Variants in MAML2 observed in about 807,000 individuals in gnomAD.
The protein encoded by MAML2 is mastermind-like protein 2.
A neutral mutation model predicts 96.1 loss-of-function variants in MAML2; 22 were observed. That is an observed-to-expected ratio of 0.23 (90% CI 0.16 to 0.33). The LOEUF is 0.33. Ranked by LOEUF, MAML2 falls within the 10% of genes least tolerant of loss-of-function variation. The pLI, the probability that MAML2 is intolerant of heterozygous loss-of-function variation, is 1.00. For synonymous variants in MAML2, 561 were observed against 521.3 expected, an observed-to-expected ratio of 1.08 and a Z score of -1.04; for missense variants, 1,367 against 1,392.4, an observed-to-expected ratio of 0.98 and a Z score of 0.29.
At chr11:96,325,800 A>G (rs942231204) in intron 1 of MAML2, among the ~76,000 whole-genome samples, 15 of 152,306 alleles carry the variant, frequency 9.8e-5, no homozygotes, top group African/African-American at 3.6e-4. Context: ...AAATGTCGGA[A>G]TCAACATTTC....
chr11:96,302,543 G>A (rs1182417503), intron 1 of MAML2, among the ~76,000 whole-genome samples: 1 of 152,214 alleles, frequency 6.6e-6, no homozygotes, highest in Non-Finnish European at 1.5e-5. Flanking sequence ...AGGTTGGGGA[G>A]AATGGCACTT....
intron 4 of MAML2, among the ~76,000 whole-genome samples, chr11:95,980,879 C>A (rs1033730097): frequency 4.6e-5 from 7 of 152,212 alleles, no homozygotes; most frequent in Admixed American, 3.3e-4. Flanking sequence ...GGGTCTCCCC[C>A]ACGCCTTCAA....
At chr11:96,240,076 C>T (rs1730265799) in intron 1 of MAML2, among the ~76,000 whole-genome samples, 1 of 152,134 alleles carries the variant, frequency 6.6e-6, no homozygotes, top group Admixed American at 6.5e-5. Context: ...TATTACAGCA[C>T]TTCAATTTAG....
intron 1 of MAML2, among the ~76,000 whole-genome samples, chr11:96,210,642 G>A (rs1245441680): frequency 1.3e-5 from 2 of 152,122 alleles, no homozygotes; most frequent in African/African-American, 4.8e-5. Context: ...AGTAACAAGA[G>A]GAACTGTGTC....
chr11:96,273,166 T>C (rs767675704), intron 1 of MAML2, among the ~76,000 whole-genome samples: 6 of 152,310 alleles, frequency 3.9e-5, no homozygotes, highest in South Asian at 4.1e-4. Context: ...TCAAGTTGCA[T>C]TGAAAGTAAG....
At chr11:96,000,326 C>A (rs1565185666) in intron 2 of MAML2, among the ~76,000 whole-genome samples, 1 of 152,142 alleles carries the variant, frequency 6.6e-6, no homozygotes, top group Non-Finnish European at 1.5e-5. Flanking sequence ...AGCCTGCCAC[C>A]GTTTTTGGTA....
In MAML2 at chr11:96,341,570, G is replaced by T; in HGVS notation, c.326C>A (p.Pro109His). The T allele has an allele frequency of 5.2e-6, 8 of 1,551,314 alleles. No individual in the cohort carries two copies. Among genetic ancestry groups the T allele is most frequent in the Non-Finnish European group, 7.0e-6 (8 of 1,146,982 alleles). The change falls in exon 1 of 5, where the codon CCT becomes CAT. Residue 109 changes from proline to histidine, a missense_variant. Pro to His is a moderately conservative substitution (Grantham distance 77, BLOSUM62 -2). Coordinates refer to ENST00000524717, the MANE Select transcript of MAML2 (RefSeq NM_032427.4). ...TTGGGAGGCCGCAGGAGGGGCAGCA[G>T]GGGGCGGTGGAGGGGCTGTAGTGGT... Reference protein sequence around the residue: ...AATTTAPPPPPAAPPAASQAA... With the variant: ...AATTTAPPPPHAAPPAASQAA...
At chr11:96,031,666 T>A (rs569261771) in intron 2 of MAML2, among the ~76,000 whole-genome samples, 41 of 152,264 alleles carry the variant, frequency 2.7e-4, no homozygotes, top group Middle Eastern at 3.4e-3. Context: ...TTTCATAAAT[T>A]CCAGTTGCTT....
At chr11:96,000,414 T>C (rs532792055) in intron 2 of MAML2, among the ~76,000 whole-genome samples, 2 of 152,148 alleles carry the variant, frequency 1.3e-5, no homozygotes, top group African/African-American at 2.4e-5. Flanking sequence ...ATAACAGAGT[T>C]GAATAGTTGT....
intron 1 of MAML2, among the ~76,000 whole-genome samples, chr11:96,137,997 G>A (rs1591034189): frequency 6.6e-6 from 1 of 151,926 alleles, no homozygotes; most frequent in Non-Finnish European, 1.5e-5. Context: ...TTTGGCCTCT[G>A]TCATTCCTAT....
Position 96,211,457 on chromosome 11 carries a change from A to G in MAML2, c.514-117940T>C, listed in dbSNP as rs192134060. ...AGGGTCTTTGAAATTAAAAAAAAAA[A>G]AAAAGAAAAGCCTGTTATCCAATTT... is the stretch of plus-strand genomic sequence containing the variant. On this transcript the variant is annotated intron_variant, in intron 1 of 4. Coordinates refer to ENST00000524717, the MANE Select transcript of MAML2 (RefSeq NM_032427.4). Among the ~76,000 whole-genome samples the G allele has an allele frequency of 2.6e-5, 4 of 151,920 alleles. No individual in the cohort carries two copies. The East Asian group carries it at 7.7e-4, about 29-fold the overall frequency.
rs565603517 is a variant in MAML2 at position 96,276,345 on chromosome 11, CTT to C, written c.513+65036_513+65037del. ...TGTTACACCCTTGCCATCTCTCTCT[CTT>C]GGAAAAGATGGTTTTCTGCCTATAG... On this transcript the variant is annotated intron_variant, in intron 1 of 4. Coordinates refer to ENST00000524717, the MANE Select transcript of MAML2 (RefSeq NM_032427.4). 7.3e-4 allele frequency among the ~76,000 whole-genome samples: 111 copies of C among 152,302 alleles called. No homozygotes were observed. In the South Asian group the frequency reaches 0.019, roughly 27 times the overall value.
At chr11:96,088,699 C>T (rs1417151113) in intron 2 of MAML2, among the ~76,000 whole-genome samples, 1 of 152,124 alleles carries the variant, frequency 6.6e-6, no homozygotes, top group Non-Finnish European at 1.5e-5. Flanking sequence ...TTACTTAAAA[C>T]CACCCCAAAC....
intron 1 of MAML2, among the ~76,000 whole-genome samples, chr11:96,119,102 T>C (rs1437028153): frequency 6.6e-6 from 1 of 152,150 alleles, no homozygotes; most frequent in South Asian, 2.1e-4. Flanking sequence ...AAAATCACAG[T>C]ATCCCTATTA....
At chr11:96,065,722 G>A (rs1015467923) in intron 2 of MAML2, among the ~76,000 whole-genome samples, 2 of 152,150 alleles carry the variant, frequency 1.3e-5, no homozygotes, top group African/African-American at 4.8e-5. Flanking sequence ...TACAGTGATG[G>A]AACACAGAGA....
intron 2 of MAML2, among the ~76,000 whole-genome samples, chr11:96,081,938 A>G (rs1029247450): frequency 6.6e-6 from 1 of 152,362 alleles, no homozygotes; most frequent in South Asian, 2.1e-4. Flanking sequence ...TTCATATAAA[A>G]TTATTCAAAC....
chr11:96,204,339 T>C (rs752965765), intron 1 of MAML2, among the ~76,000 whole-genome samples: 5 of 152,250 alleles, frequency 3.3e-5, no homozygotes, highest in Admixed American at 3.3e-4. Context: ...GGTCATTGTG[T>C]CTGCCCTCAA....
chr11:96,054,544 G>A lies in MAML2; in HGVS notation c.2139+37348C>T, dbSNP rs1010951311. On this transcript the variant is annotated intron_variant, in intron 2 of 4. Coordinates refer to ENST00000524717, the MANE Select transcript of MAML2 (RefSeq NM_032427.4). ...TGAGGGAGCAGTGTGGGAGTGTGACGGTGTTAAGTAGGACCAATTCTATTT... is the reference window on the plus strand; with the variant it reads ...TGAGGGAGCAGTGTGGGAGTGTGACAGTGTTAAGTAGGACCAATTCTATTT... Among the ~76,000 whole-genome samples, 7 of 152,100 alleles carry A rather than the reference G, an allele frequency of 4.6e-5. No homozygotes were observed. The East Asian group carries it at 9.6e-4, about 21-fold the overall frequency.
intron 1 of MAML2, among the ~76,000 whole-genome samples, chr11:96,160,818 A>C (rs1861091721): frequency 6.6e-6 from 1 of 152,156 alleles, no homozygotes; most frequent in Non-Finnish European, 1.5e-5. Flanking sequence ...GAATCTATGT[A>C]GCCCTGTGCT....
Sources: allele counts gnomAD v4.1 joint callset (sites outside exome capture counted in the v4.1 genomes callset), GRCh38; gene constraint gnomAD v4.1.1; transcripts MANE v1.5; gene names NCBI Gene and HGNC (gene_info 2026-07-23, HGNC 2026-07-21).